Variants in HTT-AS observed in about 807,000 individuals in gnomAD.
HTT-AS encodes HTT antisense RNA (head to head).
At chr4:3,055,387 C>T (rs1054430875) in intron 2 of HTT-AS, among the ~76,000 whole-genome samples, 8 of 152,100 alleles carry the variant, frequency 5.3e-5, no homozygotes, top group African/African-American at 1.9e-4. Flanking sequence ...GAGGGGAGGG[C>T]CTCTAACCCA....
downstream of HTT-AS, among the ~76,000 whole-genome samples, chr4:3,046,302 A>G (rs1201707965): frequency 6.6e-6 from 1 of 152,246 alleles, no homozygotes; most frequent in Non-Finnish European, 1.5e-5. Flanking sequence ...GTACAGAAAC[A>G]GCTGGGTTGG....
At chr4:3,051,188 C>T (rs1711697631) in intron 2 of HTT-AS, among the ~76,000 whole-genome samples, 1 of 152,040 alleles carries the variant, frequency 6.6e-6, no homozygotes, top group Non-Finnish European at 1.5e-5. Context: ...GCCTCAGCCT[C>T]TCTAGTAGCT....
exon 2 of HTT-AS, among the ~76,000 whole-genome samples, chr4:3,062,737 T>G (rs994627468): frequency 6.6e-6 from 1 of 151,926 alleles, no homozygotes; most frequent in African/African-American, 2.4e-5. Context: ...TAGAACAGAC[T>G]CTTGCGGTTT....
intron 1 of HTT-AS, among the ~76,000 whole-genome samples, chr4:3,070,873 G>A (rs1330164801): frequency 6.6e-6 from 1 of 152,210 alleles, no homozygotes; most frequent in Non-Finnish European, 1.5e-5. Context: ...TACGGGAAAT[G>A]TTTTTGCTGT....
chr4:3,058,755 T>C (rs972845277), intron 2 of HTT-AS, among the ~76,000 whole-genome samples: 3 of 152,064 alleles, frequency 2.0e-5, no homozygotes, highest in African/African-American at 4.8e-5. Flanking sequence ...GGTCTTGCTC[T>C]GTCACCCAGG....
intron 2 of HTT-AS, among the ~76,000 whole-genome samples, chr4:3,054,849 T>A (rs1194801368): frequency 1.3e-5 from 2 of 151,708 alleles, no homozygotes; most frequent in Non-Finnish European, 2.9e-5. Context: ...GGAGTAGCTG[T>A]GATTATAGGC....
chr4:3,049,938 AC>A (rs1311866077), intron 2 of HTT-AS, among the ~76,000 whole-genome samples: 5 of 148,406 alleles, frequency 3.4e-5, no homozygotes, highest in African/African-American at 1.3e-4. Flanking sequence ...ACACACACAC[AC>A]ACACACACAT....
At chr4:3,053,566 GCT>G (rs1179170067) in intron 2 of HTT-AS, among the ~76,000 whole-genome samples, 3 of 151,752 alleles carry the variant, frequency 2.0e-5, no homozygotes, top group Non-Finnish European at 4.4e-5. Flanking sequence ...AAATAAAAGA[GCT>G]CTAATTAATT....
intron 1 of HTT-AS, among the ~76,000 whole-genome samples, chr4:3,073,917 C>G (rs1247915248): frequency 1.3e-5 from 2 of 152,190 alleles, no homozygotes; most frequent in African/African-American, 4.8e-5. Context: ...GCCACCTCGG[C>G]TCAGAGTCCA....
chr4:3,064,338 C>T (rs1712002646), intron 1 of HTT-AS, among the ~76,000 whole-genome samples: 1 of 152,148 alleles, frequency 6.6e-6, no homozygotes. Flanking sequence ...TTGTGATCCG[C>T]CTGCCTCAGC....
chr4:3,070,927 G>A (rs1024526995), intron 1 of HTT-AS, among the ~76,000 whole-genome samples: 4 of 152,216 alleles, frequency 2.6e-5, no homozygotes, highest in Non-Finnish European at 5.9e-5. Flanking sequence ...CACCATGCCA[G>A]ACTGCCCAGT....
At chr4:3,066,726 AG>A (rs1712063902) in intron 1 of HTT-AS, among the ~76,000 whole-genome samples, 1 of 152,214 alleles carries the variant, frequency 6.6e-6, no homozygotes, top group Non-Finnish European at 1.5e-5. Context: ...GTGTCCCAGG[AG>A]CCTGGCATTG....
At chr4:3,058,442 G>A (rs1711852030) in intron 2 of HTT-AS, among the ~76,000 whole-genome samples, 1 of 152,170 alleles carries the variant, frequency 6.6e-6, no homozygotes, top group Non-Finnish European at 1.5e-5. Flanking sequence ...ATTATAATTA[G>A]CTTATAATGA....
At chr4:3,066,352 T>C (rs1177747588) in intron 1 of HTT-AS, among the ~76,000 whole-genome samples, 2 of 152,174 alleles carry the variant, frequency 1.3e-5, no homozygotes, top group East Asian at 1.9e-4. Context: ...GTAATTTTAG[T>C]AGAGACGGGG....
downstream of HTT-AS, among the ~76,000 whole-genome samples, chr4:3,046,860 A>G (rs1396831261): frequency 6.6e-6 from 1 of 152,218 alleles, no homozygotes; most frequent in Non-Finnish European, 1.5e-5. Flanking sequence ...AGCTCAGTCC[A>G]AAACAATGGC....
intron 1 of HTT-AS, among the ~76,000 whole-genome samples, chr4:3,069,479 C>CA (rs1051927604): frequency 6.6e-6 from 1 of 152,138 alleles, no homozygotes; most frequent in African/African-American, 2.4e-5. Context: ...TTCAAACTAA[C>CA]AGAGGTTCAA....
At chr4:3,070,078 A>G (rs986700712) in intron 1 of HTT-AS, 1 of 152,394 alleles carries the variant, frequency 6.6e-6, no homozygotes, top group African/African-American at 2.4e-5. Flanking sequence ...TCTCGGCAGG[A>G]CAGGCACAGG....
intron 2 of HTT-AS, among the ~76,000 whole-genome samples, chr4:3,049,905 A>ATC (rs1421414686): frequency 5.6e-5 from 6 of 107,658 alleles, no homozygotes; most frequent in African/African-American, 1.2e-4. Flanking sequence ...TTTGTAAGTT[A>ATC]TCACACACAC....
chr4:3,055,942 C>G (rs956317800), intron 2 of HTT-AS, among the ~76,000 whole-genome samples: 1 of 152,156 alleles, frequency 6.6e-6, no homozygotes, highest in Non-Finnish European at 1.5e-5. Context: ...ATTCCTGGAC[C>G]CATCCATTTT....
Sources: allele counts gnomAD v4.1 joint callset (sites outside exome capture counted in the v4.1 genomes callset), GRCh38; gene constraint gnomAD v4.1.1; transcripts MANE v1.5; gene names NCBI Gene and HGNC (gene_info 2026-07-23, HGNC 2026-07-21).